The following ARB2A variants were observed in gnomAD, a reference collection of about 807,000 sequenced individuals.
The protein encoded by ARB2A is cotranscriptional regulator ARB2A.
chr5:93,816,881 G>A, the ARB2A span, among the ~76,000 whole-genome samples: 3 of 152,208 alleles, frequency 2.0e-5, no homozygotes, highest in Admixed American at 6.5e-5. Flanking sequence ...TTCCTCTTAA[G>A]ATCAGGAACA....
chr5:94,060,766 A>C, the ARB2A span, among the ~76,000 whole-genome samples: 1 of 152,198 alleles, frequency 6.6e-6, no homozygotes. Context: ...TCTTCAACAA[A>C]ATATTAATTC....
chr5:93,720,074 C>T, the ARB2A span, among the ~76,000 whole-genome samples: 1 of 152,304 alleles, frequency 6.6e-6, no homozygotes, highest in East Asian at 1.9e-4. Flanking sequence ...TTGTAAAACC[C>T]ATCTAATTAC....
chr5:94,032,688 CA>C, the ARB2A span, among the ~76,000 whole-genome samples: 1 of 152,164 alleles, frequency 6.6e-6, no homozygotes, highest in African/African-American at 2.4e-5. Flanking sequence ...TTCCCAAAAC[CA>C]AGAGAGCCCA....
the ARB2A span, among the ~76,000 whole-genome samples, chr5:93,990,807 C>T: frequency 1.3e-5 from 2 of 151,922 alleles, no homozygotes; most frequent in Admixed American, 1.3e-4. Flanking sequence ...GATCTATGAT[C>T]CTTGAGAGAA....
chr5:93,867,948 T>G, the ARB2A span, among the ~76,000 whole-genome samples: 1 of 152,186 alleles, frequency 6.6e-6, no homozygotes, highest in African/African-American at 2.4e-5. Flanking sequence ...GATAATGTTT[T>G]AAGCTGAAAT....
At chr5:93,789,450 ATTAAG>A in the ARB2A span, among the ~76,000 whole-genome samples, 1 of 152,208 alleles carries the variant, frequency 6.6e-6, no homozygotes, top group African/African-American at 2.4e-5. Context: ...AAAATTTCAG[ATTAAG>A]TTGTTTCAAA....
At chr5:93,809,717 T>C in the ARB2A span, among the ~76,000 whole-genome samples, 13,228 of 152,082 alleles carry the variant, frequency 0.087, 777 homozygotes, top group Middle Eastern at 0.17. Context: ...AGGTTAATTA[T>C]AGGGACTCAA....
the ARB2A span, among the ~76,000 whole-genome samples, chr5:93,949,531 C>T: frequency 6.6e-6 from 1 of 151,804 alleles, no homozygotes; most frequent in African/African-American, 2.4e-5. Flanking sequence ...ACTGCACTCC[C>T]GCCTGGCAAC....
At chr5:93,869,947 T>C in the ARB2A span, among the ~76,000 whole-genome samples, 122 of 152,364 alleles carry the variant, frequency 8.0e-4, no homozygotes, top group Non-Finnish European at 1.3e-3. Flanking sequence ...AACAGCCTTG[T>C]TGCTCACACA....
chr5:94,100,600 A>G, the ARB2A span, among the ~76,000 whole-genome samples: 1 of 152,270 alleles, frequency 6.6e-6, no homozygotes, highest in East Asian at 1.9e-4. Context: ...ATATAGACCA[A>G]TAGAACAGAA....
the ARB2A span, among the ~76,000 whole-genome samples, chr5:93,664,145 A>G: frequency 6.6e-6 from 1 of 151,706 alleles, no homozygotes; most frequent in Non-Finnish European, 1.5e-5. Context: ...CAGTGGTATG[A>G]TCATAGCTCA....
the ARB2A span, among the ~76,000 whole-genome samples, chr5:93,827,663 T>C: frequency 1.3e-5 from 2 of 151,888 alleles, no homozygotes; most frequent in Non-Finnish European, 1.5e-5. Context: ...AGACATGAAG[T>C]CCTTGCCCAT....
chr5:93,690,795 C>T, the ARB2A span, among the ~76,000 whole-genome samples: 2 of 152,258 alleles, frequency 1.3e-5, no homozygotes, highest in East Asian at 1.9e-4. Context: ...ACACCTCATA[C>T]AGGAGAGCTC....
chr5:94,092,338 CT>C, the ARB2A span, among the ~76,000 whole-genome samples: 1 of 152,084 alleles, frequency 6.6e-6, no homozygotes, highest in Non-Finnish European at 1.5e-5. Flanking sequence ...GCTCTTAGGT[CT>C]TTACCATCTA....
the ARB2A span, among the ~76,000 whole-genome samples, chr5:93,799,038 G>C: frequency 6.6e-6 from 1 of 152,060 alleles, no homozygotes; most frequent in East Asian, 1.9e-4. Flanking sequence ...CCTTACTATG[G>C]AAATGAAGGT....
chr5:93,935,032 C>A, the ARB2A span, among the ~76,000 whole-genome samples: 1 of 151,892 alleles, frequency 6.6e-6, no homozygotes, highest in Non-Finnish European at 1.5e-5. Context: ...GCTAGGAGGA[C>A]GCAAAGGCAT....
the ARB2A span, among the ~76,000 whole-genome samples, chr5:93,983,411 C>G: frequency 1.3e-5 from 2 of 152,086 alleles, no homozygotes; most frequent in Non-Finnish European, 2.9e-5. Context: ...TGATGAGGAT[C>G]CTTCTGGCTA....
At chr5:93,888,396 A>T in the ARB2A span, among the ~76,000 whole-genome samples, 3 of 151,828 alleles carry the variant, frequency 2.0e-5, no homozygotes, top group African/African-American at 2.4e-5. Context: ...ATATATCAAA[A>T]TCCCTAAATG....
chr5:93,668,835 T>C, the ARB2A span, among the ~76,000 whole-genome samples: 2 of 152,136 alleles, frequency 1.3e-5, no homozygotes, highest in African/African-American at 4.8e-5. Flanking sequence ...CATCAGACCA[T>C]GAAAGAGACA....
Sources: allele counts gnomAD v4.1 joint callset (sites outside exome capture counted in the v4.1 genomes callset), GRCh38; gene constraint gnomAD v4.1.1; transcripts MANE v1.5; gene names NCBI Gene and HGNC (gene_info 2026-07-23, HGNC 2026-07-21).